The following IARS1 variants were observed in gnomAD, a reference collection of about 807,000 sequenced individuals.
IARS1 encodes the protein isoleucine--tRNA ligase, cytoplasmic.
Under a neutral mutation model 168.2 loss-of-function variants are expected in IARS1, and 124 were observed. The observed-to-expected ratio is 0.74, with a 90% CI of 0.64 to 0.86. The LOEUF (loss-of-function observed/expected upper bound fraction) is 0.86, where lower values mean the gene tolerates loss of function less well. Among genes scored for constraint, IARS1 ranks in the 40% least tolerant of loss-of-function variants. The probability of loss-of-function intolerance (pLI) is 0.00; values close to 1 mark genes in which losing one functional copy is unlikely to be tolerated. For synonymous variants in IARS1, 532 were observed against 529.4 expected (o/e 1.00, Z -0.07); for missense variants, 1,452 against 1,515.8 (o/e 0.96, Z 0.70).
At chr9:92,245,508 T>A (rs768465475) in intron 26 of IARS1, among the ~76,000 whole-genome samples, 20 of 152,110 alleles carry the variant, frequency 1.3e-4, no homozygotes, top group Non-Finnish European at 2.6e-4. Flanking sequence ...GAGGCTAAAA[T>A]GAGACGGGCA....
intron 13 of IARS1, 49 bp downstream of exon 13, chr9:92,269,836 C>T (rs749561880): frequency 1.0e-5 from 13 of 1,263,428 alleles, no homozygotes; most frequent in Non-Finnish European, 1.4e-5. Flanking sequence ...ACCATACTTA[C>T]TAACCACATG....
At chr9:92,261,332 T>C (rs2133801678) in intron 17 of IARS1, among the ~76,000 whole-genome samples, 1 of 151,796 alleles carries the variant, frequency 6.6e-6, no homozygotes, top group East Asian at 1.9e-4. Flanking sequence ...AAAAAGCCAA[T>C]TCCCCCAAGT....
chr9:92,222,784 C>T (rs1449803967), intron 32 of IARS1, 112 bp from the exon 33 acceptor site: 3 of 989,312 alleles, frequency 3.0e-6, no homozygotes, highest in Non-Finnish European at 4.5e-6. Context: ...AGCAGTGCGT[C>T]CAGGAGCGTG....
chr9:92,280,911 A>G lies in IARS1; in HGVS notation c.598-18T>C. On this transcript the variant is annotated intron_variant, in intron 6 of 33. Transcript: ENST00000443024. ...TGAACATCCTGAAATAAATTGAGGT[A>G]AAGTATTGTTTTAGAAATCCACAAT... 1 of 1,587,236 alleles carries G rather than the reference A, an allele frequency of 6.3e-7. No homozygotes were observed. Among genetic ancestry groups the G allele is most frequent in the East Asian group, 2.2e-5 (1 of 44,508 alleles).
chr9:92,254,529 G>A (rs1032913135), intron 20 of IARS1, among the ~76,000 whole-genome samples: 1 of 152,190 alleles, frequency 6.6e-6, no homozygotes, highest in South Asian at 2.1e-4. Context: ...ATGTCAGTGG[G>A]CTGAGCCCCA....
chr9:92,226,099 C>T (rs1825631254), intron 31 of IARS1, among the ~76,000 whole-genome samples: 1 of 152,246 alleles, frequency 6.6e-6, no homozygotes, highest in African/African-American at 2.4e-5. Context: ...CAGCTTTCCA[C>T]TGACTTATCC....
At chr9:92,250,126 C>G (rs1271341671) in intron 24 of IARS1, 61 bp downstream of exon 24, 1 of 1,136,210 alleles carries the variant, frequency 8.8e-7, no homozygotes, top group East Asian at 2.3e-5. Context: ...ATTAAAAAAG[C>G]ATTCCAAACA....
Position 92,256,661 on chromosome 9 carries a change from C to A in IARS1, c.2137+19G>T. ...AGAATAGTCCTTATTCCTGGGAGGA[C>A]AGACCAAGAGAGACTCACCTGCCAT... On this transcript the variant is annotated intron_variant, in intron 20 of 33. Transcript: ENST00000443024. 6.2e-7 allele frequency: 1 copy of A among 1,606,998 alleles called. No individual in the cohort carries two copies. Among genetic ancestry groups the A allele is most frequent in the South Asian group, 1.1e-5 (1 of 89,902 alleles).
chr9:92,221,055 T>C (rs1347024529), intron 33 of IARS1, among the ~76,000 whole-genome samples: 1 of 151,938 alleles, frequency 6.6e-6, no homozygotes, highest in Admixed American at 6.6e-5. Flanking sequence ...AGGGAAATCA[T>C]AAACTGCAGA....
intron 21 of IARS1, among the ~76,000 whole-genome samples, chr9:92,252,894 AAG>A (rs1333572527): frequency 6.7e-6 from 1 of 150,334 alleles, no homozygotes; most frequent in African/African-American, 2.5e-5. Flanking sequence ...TACCTGGCTT[AAG>A]TCCTGAGACC....
intron 25 of IARS1, among the ~76,000 whole-genome samples, chr9:92,249,482 G>A (rs1829705539): frequency 6.6e-6 from 1 of 152,130 alleles, no homozygotes; most frequent in Admixed American, 6.6e-5. Context: ...GAACCCAGGA[G>A]GTGGAGGTTG....
chr9:92,289,857 G>C (rs1381872868), intron 1 of IARS1, among the ~76,000 whole-genome samples: 1 of 152,078 alleles, frequency 6.6e-6, no homozygotes, highest in African/African-American at 2.4e-5. Context: ...TGTTTTCAAG[G>C]CTCATCCATG....
intron 1 of IARS1, among the ~76,000 whole-genome samples, chr9:92,291,837 C>T (rs1302318813): frequency 6.6e-6 from 1 of 152,170 alleles, no homozygotes; most frequent in Admixed American, 6.5e-5. Context: ...ACTTACCAGC[C>T]TCACCTCGCA....
intron 21 of IARS1, among the ~76,000 whole-genome samples, chr9:92,252,174 C>T (rs974077368): frequency 6.6e-6 from 1 of 151,984 alleles, no homozygotes; most frequent in African/African-American, 2.4e-5. Context: ...CTGTAGGACC[C>T]GAAGGCTGAA....
At chr9:92,242,582 T>G in intron 28 of IARS1, 1 of 449,036 alleles carries the variant, frequency 2.2e-6, no homozygotes. Context: ...TCATGAATGT[T>G]GAAACCAAGA....
At chr9:92,268,743 G>C (rs776630385) in intron 13 of IARS1, among the ~76,000 whole-genome samples, 84 of 152,336 alleles carry the variant, frequency 5.5e-4, no homozygotes, top group Admixed American at 2.5e-3. Context: ...CCTTGGTCTT[G>C]AATTTCAGGC....
At chr9:92,232,665 A>G (rs1237072333) in intron 30 of IARS1, among the ~76,000 whole-genome samples, 2 of 152,196 alleles carry the variant, frequency 1.3e-5, no homozygotes, top group Non-Finnish European at 2.9e-5. Context: ...GAATTTATTT[A>G]TAAATTATCA....
At chr9:92,279,536 G>T (rs1834238400) in intron 7 of IARS1, among the ~76,000 whole-genome samples, 1 of 152,082 alleles carries the variant, frequency 6.6e-6, no homozygotes. Context: ...TCCCAGGAAA[G>T]AACAAATAAA....
At chr9:92,256,656 GA>G (rs749285538) in intron 20 of IARS1, 23 bp downstream of exon 20, 108 of 1,606,096 alleles carry the variant, frequency 6.7e-5, no homozygotes, top group Admixed American at 8.4e-5. Context: ...TTATTCCTGG[GA>G]GGACAGACCA....
Sources: allele counts gnomAD v4.1 joint callset (sites outside exome capture counted in the v4.1 genomes callset), GRCh38; gene constraint gnomAD v4.1.1; transcripts MANE v1.5; gene names NCBI Gene and HGNC (gene_info 2026-07-23, HGNC 2026-07-21).